Variants in TEX10 observed in about 807,000 individuals in gnomAD.
The protein encoded by TEX10 is testis expressed 10.
A neutral mutation model predicts 104.4 loss-of-function variants in TEX10; 24 were observed. That is an observed-to-expected ratio of 0.23 (90% CI 0.17 to 0.32). The LOEUF is 0.32. Ranked by LOEUF, TEX10 falls within the 10% of genes least tolerant of loss-of-function variation. The pLI is 1.00. For missense variants in TEX10, 921 were observed against 1,083.9 expected (o/e 0.85, Z 2.11); for synonymous variants, 396 against 393.4 (o/e 1.01, Z -0.08).
intron 2 of TEX10, 92 bp from the exon 3 acceptor site, chr9:100,347,498 A>C: frequency 3.1e-6 from 3 of 978,234 alleles, no homozygotes; most frequent in Non-Finnish European, 4.3e-6. Context: ...TAGTAAACTG[A>C]CACTCCTTGG....
At chr9:100,346,351 A>T (rs1835298543) in intron 3 of TEX10, 36 bp from the exon 4 acceptor site, 2 of 1,572,660 alleles carry the variant, frequency 1.3e-6, no homozygotes, top group African/African-American at 1.4e-5. Flanking sequence ...TTAAGTGATT[A>T]AAAAATGTTT....
intron 4 of TEX10, among the ~76,000 whole-genome samples, chr9:100,344,754 G>A (rs186545176): frequency 6.6e-6 from 1 of 152,302 alleles, no homozygotes; most frequent in Non-Finnish European, 1.5e-5. Context: ...GCTGAGGCAG[G>A]AGAATTGCTT....
chr9:100,303,866 A>G (rs755928674), intron 13 of TEX10, 24 bp from the exon 14 acceptor site: 1 of 1,611,550 alleles, frequency 6.2e-7, no homozygotes, highest in Non-Finnish European at 8.5e-7. Flanking sequence ...GACAGAAATG[A>G]GTCAGTGAGC....
At chr9:100,310,877 A>G (rs534577103) in intron 11 of TEX10, among the ~76,000 whole-genome samples, 1 of 152,290 alleles carries the variant, frequency 6.6e-6, no homozygotes, top group East Asian at 1.9e-4. Flanking sequence ...TCTACTAATC[A>G]TATGTTGAAT....
chr9:100,351,383 A>C (rs1290174215), intron 1 of TEX10, among the ~76,000 whole-genome samples: 1 of 141,526 alleles, frequency 7.1e-6, no homozygotes, highest in Non-Finnish European at 1.5e-5. Context: ...AACAAAACAA[A>C]AAAAAAAGCT....
chr9:100,350,048 A>G (rs1030671870), intron 1 of TEX10, among the ~76,000 whole-genome samples: 2 of 152,202 alleles, frequency 1.3e-5, no homozygotes, highest in Non-Finnish European at 2.9e-5. Context: ...AAGCAGCATA[A>G]AAAGAAATAT....
chr9:100,302,431 T>C (rs1468027472), intron 14 of TEX10, 127 bp from the exon 15 acceptor site: 21 of 579,108 alleles, frequency 3.6e-5, no homozygotes, highest in East Asian at 3.6e-4. Context: ...TAAATTACCA[T>C]AGGAAGTCTT....
chr9:100,325,368 A>C (rs1196487973), intron 9 of TEX10, among the ~76,000 whole-genome samples: 1 of 152,214 alleles, frequency 6.6e-6, no homozygotes, highest in African/African-American at 2.4e-5. Context: ...TTTCAGAGTA[A>C]AATGGCACAG....
chr9:100,351,385 A>C (rs113057667), intron 1 of TEX10, among the ~76,000 whole-genome samples: 7,350 of 138,926 alleles, frequency 0.053, 386 homozygotes, highest in Non-Finnish European at 0.081. Context: ...CAAAACAAAA[A>C]AAAAAGCTGG....
intron 11 of TEX10, among the ~76,000 whole-genome samples, chr9:100,319,622 T>C (rs1834513573): frequency 6.6e-6 from 1 of 151,826 alleles, no homozygotes; most frequent in Non-Finnish European, 1.5e-5. Context: ...CTGGCCAACA[T>C]AGTAAAACCC....
chr9:100,324,583 T>C (rs552290268), intron 9 of TEX10, among the ~76,000 whole-genome samples: 28 of 152,150 alleles, frequency 1.8e-4, no homozygotes, highest in Non-Finnish European at 4.0e-4. Flanking sequence ...GTAAAATTAA[T>C]ATATTTTCCC....
At position 100,320,342 on chromosome 9, in the gene TEX10, T is replaced by C. The variant is rs1401078716; in HGVS notation, c.2125A>G (p.Ile709Val). The change falls in exon 11 of 15, where the codon ATC (isoleucine) becomes GTC (valine). Residue 709 changes from isoleucine to valine, a missense_variant. Physicochemically the swap from Ile to Val is conservative, Grantham distance 29. Around this residue, in one of 3 missense-constraint regions of TEX10, gnomAD observed 753 missense variants for 868.4 expected, o/e 0.87. Coordinates refer to ENST00000374902, the MANE Select transcript of TEX10 (RefSeq NM_017746.4). ...AGCACAGGGGAAAGCTGTGTCTGGA[T>C]GACATGAGGAACTCCTCGAAGGCTC... is the stretch of plus-strand genomic sequence containing the variant. ...LQSLRGVPHV[I>V]QTQLSPVLLY... 6.2e-7 allele frequency: 1 copy of C among 1,613,212 alleles called. No homozygotes were observed. The highest frequency in any genetic ancestry group is 1.3e-5 in the African/African-American group (1 of 74,920).
chr9:100,343,248 T>C (rs575785667), intron 4 of TEX10, among the ~76,000 whole-genome samples: 4 of 150,362 alleles, frequency 2.7e-5, no homozygotes, highest in South Asian at 2.1e-4. Context: ...ATGTTAGAAA[T>C]TGCTGCAACT....
intron 6 of TEX10, 26 bp from the exon 7 acceptor site, chr9:100,329,301 C>T (rs1245788920): frequency 6.3e-7 from 1 of 1,581,242 alleles, no homozygotes; most frequent in Non-Finnish European, 8.5e-7. Context: ...AAACAACTTG[C>T]ATATGAATCA....
intron 13 of TEX10, chr9:100,304,667 T>C (rs959592691): frequency 2.0e-5 from 3 of 152,118 alleles, no homozygotes; most frequent in Non-Finnish European, 1.5e-5. Context: ...AAGACCATCC[T>C]GGCCAACATG....
rs372468575 is a variant in TEX10 at position 100,322,970 on chromosome 9, G to A, written c.1980-1199C>T. On this transcript the variant is annotated intron_variant, in intron 9 of 14. Coordinates refer to ENST00000374902, the MANE Select transcript of TEX10 (RefSeq NM_017746.4). ...ATAAAATAATGAAAACACTCTTCTT[G>A]AGTGTCATTCCCAGGTGATAAGCAA... Among the ~76,000 whole-genome samples, 35 of 152,212 alleles carry A rather than the reference G, an allele frequency of 2.3e-4. No homozygotes were observed. The South Asian group carries it at 6.2e-3, about 27-fold the overall frequency.
rs756478667 is a variant in TEX10 at position 100,308,652 on chromosome 9, C to T, written c.2313G>A (p.Thr771=). 7.2e-5 allele frequency: 115 copies of T among 1,607,290 alleles called. No homozygotes were observed. The Middle Eastern group carries it at 6.1e-3, about 86-fold the overall frequency. Residue 771 remains threonine (T), a synonymous_variant, in exon 13 of 15, where the codon ACG becomes ACA. Transcript: ENST00000374902. ...LVGLTVIPDS[T]AGCVFGVICK... is the part of the protein sequence containing the mutation. ...AGATAACACCAAAAACACAGCCAGC[C>T]GTGCTGTCAGGAATTACAGTCAACC...
chr9:100,332,009 G>C (rs1299998989), intron 5 of TEX10, among the ~76,000 whole-genome samples: 1 of 152,188 alleles, frequency 6.6e-6, no homozygotes, highest in East Asian at 1.9e-4. Context: ...TGAAGAAAAA[G>C]GGGCAGAGAG....
chr9:100,305,549 TA>T (rs1437233436), intron 13 of TEX10: 2 of 152,328 alleles, frequency 1.3e-5, no homozygotes, highest in East Asian at 3.9e-4. Flanking sequence ...GTTACTCCTG[TA>T]ATAATCAAAT....
Sources: gnomAD v4.1 joint callset for allele counts (sites outside exome capture counted in the v4.1 genomes callset) on GRCh38, gnomAD v4.1.1 for gene constraint, gnomAD v4.1.1 regional missense constraint, MANE v1.5 for transcripts, NCBI Gene and HGNC (gene_info 2026-07-23, HGNC 2026-07-21) for gene names.